ZBTB20: variants seen among roughly 807,000 people sequenced by gnomAD.
ZBTB20 encodes the protein zinc finger and BTB domain containing 20.
In ZBTB20, 9 loss-of-function variants were observed where a neutral mutation model predicts 56.9. The observed-to-expected ratio is 0.16, with a 90% CI of 0.10 to 0.28. The LOEUF (loss-of-function observed/expected upper bound fraction) is 0.28. Among genes scored for constraint, ZBTB20 ranks in the 10% least tolerant of loss-of-function variants. ZBTB20 has a pLI of 1.00. For missense variants in ZBTB20, 655 were observed against 1,003.0 expected, an observed-to-expected ratio of 0.65 and a Z score of 4.69; for synonymous variants, 417 against 420.7, an observed-to-expected ratio of 0.99 and a Z score of 0.11.
intron 4 of ZBTB20, among the ~76,000 whole-genome samples, chr3:114,844,222 T>C (rs1230022672): frequency 6.6e-6 from 1 of 151,068 alleles, no homozygotes; most frequent in African/African-American, 2.4e-5. Context: ...GTACAGAAGA[T>C]TCTATTTTTA....
chr3:114,883,465 A>C (rs1045733960), intron 4 of ZBTB20, among the ~76,000 whole-genome samples: 1 of 152,214 alleles, frequency 6.6e-6, no homozygotes, highest in Admixed American at 6.5e-5. Context: ...GACTTGTTGA[A>C]TCTAACCTTG....
At chr3:114,797,462 T>C (rs2071408262) in intron 5 of ZBTB20, among the ~76,000 whole-genome samples, 1 of 151,956 alleles carries the variant, frequency 6.6e-6, no homozygotes, top group Admixed American at 6.6e-5. Flanking sequence ...TAGTATCACA[T>C]TATTCCTTCA....
At chr3:114,489,185 A>G (rs2042460885) in intron 7 of ZBTB20, among the ~76,000 whole-genome samples, 1 of 152,148 alleles carries the variant, frequency 6.6e-6, no homozygotes. Context: ...AAAAATTAGA[A>G]CTTTTATTTT....
intron 1 of ZBTB20, among the ~76,000 whole-genome samples, chr3:115,146,795 C>T (rs1300499833): frequency 6.6e-6 from 1 of 152,198 alleles, no homozygotes; most frequent in African/African-American, 2.4e-5. Context: ...GCTAGTCCCC[C>T]TCAGCTCCTC....
At chr3:114,969,294 T>C (rs963241568) in intron 3 of ZBTB20, among the ~76,000 whole-genome samples, 3 of 152,180 alleles carry the variant, frequency 2.0e-5, no homozygotes, top group Non-Finnish European at 4.4e-5. Flanking sequence ...TCTAGTATTA[T>C]TTGTGCAATT....
At chr3:115,124,749 A>T (rs538094348) in intron 1 of ZBTB20, among the ~76,000 whole-genome samples, 1 of 152,322 alleles carries the variant, frequency 6.6e-6, no homozygotes, top group Non-Finnish European at 1.5e-5. Context: ...ACACAAGAAC[A>T]TACAGTAAAC....
chr3:114,798,292 G>A lies in ZBTB20; in HGVS notation c.-343+2809C>T, dbSNP rs1415422865. On this transcript the variant is annotated intron_variant, in intron 5 of 11. Coordinates refer to ENST00000675478, the MANE Select transcript of ZBTB20 (RefSeq NM_001348800.3). ...TCAACCAAATAAATTTGCCTCTACA[G>A]GACTCGTTGCTCAACCAAAGGCATG... 2.7e-5 allele frequency among the ~76,000 whole-genome samples: 4 copies of A among 150,706 alleles called. No individual in the cohort carries two copies. The Admixed American group carries it at 2.7e-4, about 10-fold the overall frequency.
intron 2 of ZBTB20, among the ~76,000 whole-genome samples, chr3:115,057,072 A>G (rs2081823615): frequency 1.3e-5 from 2 of 152,136 alleles, no homozygotes; most frequent in Non-Finnish European, 2.9e-5. Flanking sequence ...CAAAATTATT[A>G]TAGAGTCAAA....
intron 10 of ZBTB20, among the ~76,000 whole-genome samples, chr3:114,365,444 A>C (rs985074656): frequency 3.3e-5 from 5 of 152,182 alleles, no homozygotes; most frequent in African/African-American, 7.2e-5. Flanking sequence ...TCCCTGGGCC[A>C]GCTCTGCCTG....
At chr3:114,495,156 A>G (rs547666166) in intron 7 of ZBTB20, among the ~76,000 whole-genome samples, 1 of 152,228 alleles carries the variant, frequency 6.6e-6, no homozygotes, top group South Asian at 2.1e-4. Context: ...GTTTTTCCTA[A>G]CTCAATTTTA....
At chr3:114,912,279 A>G (rs1172982236) in intron 3 of ZBTB20, among the ~76,000 whole-genome samples, 1 of 150,738 alleles carries the variant, frequency 6.6e-6, no homozygotes, top group African/African-American at 2.4e-5. Context: ...AAGCTCTTGG[A>G]GTGGAAATAA....
intron 3 of ZBTB20, among the ~76,000 whole-genome samples, chr3:114,945,857 C>T (rs542439817): frequency 1.4e-5 from 2 of 144,970 alleles, no homozygotes; most frequent in South Asian, 4.3e-4. Context: ...ATTTACCAAA[C>T]ACCAACGAAA....
intron 7 of ZBTB20, among the ~76,000 whole-genome samples, chr3:114,398,930 G>A (rs1003210172): frequency 1.3e-5 from 2 of 152,090 alleles, no homozygotes; most frequent in African/African-American, 2.4e-5. Context: ...GGCAACGACT[G>A]GCACAACATA....
intron 7 of ZBTB20, among the ~76,000 whole-genome samples, chr3:114,451,744 C>G (rs146213815): frequency 6.6e-6 from 1 of 152,132 alleles, no homozygotes; most frequent in Admixed American, 6.6e-5. Flanking sequence ...GTGCAGGACA[C>G]GTCGCCAAGA....
At chr3:114,607,849 C>A (rs1163749710) in intron 6 of ZBTB20, among the ~76,000 whole-genome samples, 1 of 152,156 alleles carries the variant, frequency 6.6e-6, no homozygotes, top group Non-Finnish European at 1.5e-5. Context: ...TCATGAAGCA[C>A]AAAAATCATC....
chr3:115,132,330 A>T (rs2084530957), intron 1 of ZBTB20, among the ~76,000 whole-genome samples: 1 of 152,156 alleles, frequency 6.6e-6, no homozygotes, highest in African/African-American at 2.4e-5. Flanking sequence ...AGTCTCATAG[A>T]TGCCCAAATT....
chr3:114,505,964 A>T, intron 6 of ZBTB20, among the ~76,000 whole-genome samples: 1 of 152,180 alleles, frequency 6.6e-6, no homozygotes, highest in Non-Finnish European at 1.5e-5. Context: ...TATTTGGCAA[A>T]AGGTTTACAG....
chr3:114,349,199 C>A (rs2080437545), intron 11 of ZBTB20, among the ~76,000 whole-genome samples: 12 of 116,378 alleles, frequency 1.0e-4, no homozygotes, highest in South Asian at 3.1e-4. Context: ...GACCCTGTCT[C>A]AAAAAAAAAA....
intron 5 of ZBTB20, among the ~76,000 whole-genome samples, chr3:114,742,779 C>T (rs2066713130): frequency 6.6e-6 from 1 of 152,156 alleles, no homozygotes; most frequent in African/African-American, 2.4e-5. Flanking sequence ...TACTGATACT[C>T]AGACCCTACC....
Sources: allele counts gnomAD v4.1 joint callset (sites outside exome capture counted in the v4.1 genomes callset), GRCh38; gene constraint gnomAD v4.1.1; transcripts MANE v1.5; gene names NCBI Gene and HGNC (gene_info 2026-07-23, HGNC 2026-07-21).